PIGG: variants seen among roughly 807,000 people sequenced by gnomAD.
PIGG encodes GPI ethanolamine phosphate transferase 2, catalytic subunit.
PIGG carries 70 observed loss-of-function variants against 83.2 expected under a neutral mutation model. The ratio of observed to expected loss-of-function variants is 0.84; its 90% CI spans 0.69 to 1.03. The LOEUF is 1.03. Among genes scored for constraint, PIGG ranks in the 50% least tolerant of loss-of-function variants. The pLI is 0.00. For synonymous variants in PIGG, 532 were observed against 519.5 expected, an observed-to-expected ratio of 1.02 and a Z score of -0.33; for missense variants, 1,257 against 1,233.6, an observed-to-expected ratio of 1.02 and a Z score of -0.28.
intron 8 of PIGG, 119 bp downstream of exon 8, chr4:522,060 T>A: frequency 9.1e-7 from 1 of 1,094,166 alleles, no homozygotes. Context: ...TGCCACGTGC[T>A]GGCAGTGCCC....
chr4:525,370 AAGC>A (rs1468377957), intron 9 of PIGG: 7 of 985,234 alleles, frequency 7.1e-6, no homozygotes, highest in Non-Finnish European at 8.4e-6. Context: ...AAAGCAAAAG[AAGC>A]AGCACAATGA....
chr4:514,090 T>C (rs768301955), intron 5 of PIGG, among the ~76,000 whole-genome samples: 4 of 152,240 alleles, frequency 2.6e-5, no homozygotes, highest in Non-Finnish European at 5.9e-5. Flanking sequence ...TGGAAAATTC[T>C]GGATGTAGAA....
At position 528,772 on chromosome 4, in the gene PIGG, C is replaced by A. The variant is rs1728329082; in HGVS notation, c.2261+1542C>A. ...TCATCTCAAGACCTTGGCCCTCTTC[C>A]CTTTCCTGGCCTGCTTCCTGCAGCA... On this transcript the variant is annotated intron_variant, in intron 10 of 12. Coordinates refer to ENST00000453061, the MANE Select transcript of PIGG (RefSeq NM_001127178.3). This position sits in a 1 kb window ranked among gnomAD's most constrained non-coding sequence, Gnocchi z 4.8. 1.0e-6 allele frequency: 1 copy of A among 964,726 alleles called. No homozygotes were observed. The highest frequency in any genetic ancestry group is 1.2e-6 in the Non-Finnish European group (1 of 811,254). 59.8% of individuals were successfully genotyped at this position (964,726 alleles called of 1,614,324 possible). A position where few individuals can be genotyped will look rare whatever the true frequency, so the allele number is the denominator to read the frequency against.
At position 500,464 on chromosome 4, in the gene PIGG, G is replaced by GCCT; in HGVS notation, c.224_226dup (p.Ala75_Leu76insSer). The stretch of plus-strand genomic sequence containing the variant: ...TAAAGTTGTTATTGTTCTGATAGAT[G>GCCT]CCTTGAGAGATGATTTTGTGTTTGG... On this transcript the variant is annotated inframe_insertion, in exon 2 of 13. Coordinates refer to ENST00000453061, the MANE Select transcript of PIGG (RefSeq NM_001127178.3). The GCCT allele has an allele frequency of 6.2e-7, 1 of 1,613,716 alleles. No homozygotes were observed. Among genetic ancestry groups the GCCT allele is most frequent in the Non-Finnish European group, 8.5e-7 (1 of 1,179,700 alleles).
intron 2 of PIGG, 152 bp downstream of exon 2, chr4:500,753 TCA>T: frequency 1.6e-6 from 1 of 636,554 alleles, no homozygotes. Context: ...TGAAGGAGCC[TCA>T]CACGGGATGG....
At chr4:529,673 T>G (rs1225308777) in intron 10 of PIGG, among the ~76,000 whole-genome samples, 1 of 152,232 alleles carries the variant, frequency 6.6e-6, no homozygotes, top group African/African-American at 2.4e-5. Context: ...CAGATAACTA[T>G]CATAAGAGTA....
rs1389974409 is a variant in PIGG at position 528,674 on chromosome 4, G to A, written c.2261+1444G>A. On this transcript the variant is annotated intron_variant, in intron 10 of 12. Transcript: ENST00000453061. The surrounding 1 kb of genome is among the most constrained non-coding windows in gnomAD (Gnocchi z 4.8). ...CATCCAAATGGATGTTACATTTGCG[G>A]GTGTGTGTTTAAGGTGCAGCGTATG... 1.0e-6 allele frequency: 1 copy of A among 985,114 alleles called. No individual in the cohort carries two copies. The highest frequency in any genetic ancestry group is 1.7e-5 in the African/African-American group (1 of 57,194). 61.0% of individuals were successfully genotyped at this position (985,114 alleles called of 1,614,324 possible).
At chr4:537,805 G>T (rs931033812) in intron 12 of PIGG, among the ~76,000 whole-genome samples, 1 of 152,210 alleles carries the variant, frequency 6.6e-6, no homozygotes, top group African/African-American at 2.4e-5. Context: ...GGAGCCGGTG[G>T]GGGGCTGAGG....
chr4:501,269 A>C (rs782678995), intron 2 of PIGG: 1 of 401,496 alleles, frequency 2.5e-6, no homozygotes, highest in Non-Finnish European at 4.9e-6. Flanking sequence ...CTCTGCCTTC[A>C]TGTAGCTTTT....
chr4:514,059 C>T (rs376688246), intron 5 of PIGG, among the ~76,000 whole-genome samples: 6 of 152,286 alleles, frequency 3.9e-5, no homozygotes, highest in African/African-American at 1.2e-4. Context: ...AGCATGTTAA[C>T]GTCTTTAAAA....
chr4:532,155 G>C (rs1729215668), intron 11 of PIGG: 1 of 152,522 alleles, frequency 6.6e-6, no homozygotes, highest in South Asian at 2.1e-4. Context: ...TTGCTCATCT[G>C]CTGGCCCTCC....
At chr4:499,589 C>A in intron 1 of PIGG, 100 bp downstream of exon 1, 1 of 1,446,520 alleles carries the variant, frequency 6.9e-7, no homozygotes, top group Non-Finnish European at 9.1e-7. Flanking sequence ...CGGCGCTCCC[C>A]GGTGGTCTCT....
In PIGG at chr4:500,370, T is replaced by C. The variant is rs782070331; in HGVS notation, c.155-26T>C. On this transcript the variant is annotated intron_variant, in intron 1 of 12. Transcript: ENST00000453061. ...GCTAAGGAAAGTTTAGAGTTCAATT[T>C]CCTTTTTTTTCTTTCAAACACTTAG... The C allele has an allele frequency of 4.5e-6, 7 of 1,564,892 alleles. No individual in the cohort carries two copies. In the South Asian group the frequency reaches 6.7e-5, roughly 15 times the overall value.
chr4:527,516 C>T, intron 10 of PIGG: 1 of 1,177,514 alleles, frequency 8.5e-7, no homozygotes, highest in Non-Finnish European at 1.1e-6. Flanking sequence ...AAAATAAAAC[C>T]TTCAGGGTGT....
intron 12 of PIGG, among the ~76,000 whole-genome samples, chr4:535,656 G>A (rs888799055): frequency 4.6e-5 from 7 of 152,156 alleles, no homozygotes; most frequent in Non-Finnish European, 1.0e-4. Context: ...TCGCTCTCGC[G>A]GTGCTGACTG....
chr4:519,807 T>C (rs1429878559), intron 6 of PIGG, among the ~76,000 whole-genome samples: 3 of 60,232 alleles, frequency 5.0e-5, no homozygotes, highest in South Asian at 8.7e-4. Context: ...AGCAGTGGGG[T>C]GGGCCTGCAG....
intron 2 of PIGG, among the ~76,000 whole-genome samples, chr4:502,681 T>C (rs1414023773): frequency 6.6e-6 from 1 of 152,116 alleles, no homozygotes; most frequent in Non-Finnish European, 1.5e-5. Context: ...TGCAGCCCAC[T>C]CGCTGTCTGC....
Position 499,248 on chromosome 4 carries a change from G to C in PIGG, c.-88G>C, listed in dbSNP as rs1716583234. On this transcript the variant is annotated 5_prime_UTR_variant, in exon 1 of 13. Transcript: ENST00000453061. ...CGATAAGGCCTGGCGTTATTGCTTAGAGGCGGCTACCTGGAGCCGGAAGCG... is the reference window on the plus strand; with the variant it reads ...CGATAAGGCCTGGCGTTATTGCTTACAGGCGGCTACCTGGAGCCGGAAGCG... 2 of 1,440,160 alleles carry C rather than the reference G, an allele frequency of 1.4e-6. No individual in the cohort carries two copies. 89.2% of individuals were successfully genotyped at this position (1,440,160 alleles called of 1,614,324 possible).
chr4:500,048 G>C, intron 1 of PIGG: 1 of 286,434 alleles, frequency 3.5e-6, no homozygotes, highest in South Asian at 4.4e-5. Flanking sequence ...TGTAAACGCA[G>C]TATGTAAACG....
Sources: allele counts gnomAD v4.1 joint callset (sites outside exome capture counted in the v4.1 genomes callset), GRCh38; gene constraint gnomAD v4.1.1; non-coding constraint Gnocchi (gnomAD v3.1); transcripts MANE v1.5; gene names NCBI Gene and HGNC (gene_info 2026-07-23, HGNC 2026-07-21).